RGP1: variants seen among roughly 807,000 people sequenced by gnomAD.
RGP1 encodes RAB6A-GEF complex partner protein 2.
A neutral mutation model predicts 44.5 loss-of-function variants in RGP1; 28 were observed. That is an observed-to-expected ratio of 0.63 (90% confidence interval 0.47 to 0.86). The LOEUF (loss-of-function observed/expected upper bound fraction) is 0.86. Ranked by LOEUF, RGP1 falls within the 40% of genes least tolerant of loss-of-function variation. The pLI is 0.00. For synonymous variants in RGP1, 212 were observed against 196.7 expected (o/e 1.08, Z -0.65); for missense variants, 417 against 490.7 (o/e 0.85, Z 1.42).
At chr9:35,761,690 A>AAACG (rs1413926551), downstream of RGP1, among the ~76,000 whole-genome samples, 3 of 152,110 alleles carry the variant, frequency 2.0e-5, no homozygotes, top group East Asian at 3.9e-4. Context: ...ACAAACAAAC[A>AAACG]AACAAAAAAC....
the RGP1 span, among the ~76,000 whole-genome samples, chr9:35,774,588 T>A: frequency 1.1e-4 from 17 of 151,890 alleles, no homozygotes; most frequent in Non-Finnish European, 2.9e-5. Flanking sequence ...GCCGGGCGTG[T>A]TGGCGGGCGC....
the RGP1 span, among the ~76,000 whole-genome samples, chr9:35,777,628 T>C: frequency 2.0e-5 from 3 of 152,190 alleles, no homozygotes; most frequent in East Asian, 5.8e-4. Context: ...CTGGTACTTG[T>C]TTCTTGTAAG....
chr9:35,763,388 C>T (rs187798562), downstream of RGP1, among the ~76,000 whole-genome samples: 44 of 152,284 alleles, frequency 2.9e-4, no homozygotes, highest in East Asian at 7.1e-3. Flanking sequence ...CGGAGTCCCT[C>T]CCTATTCCTA....
the RGP1 span, among the ~76,000 whole-genome samples, chr9:35,777,127 CTTT>C: frequency 6.1e-5 from 5 of 82,302 alleles, no homozygotes; most frequent in East Asian, 4.0e-4. Flanking sequence ...AGGTGTTTTT[CTTT>C]TTTTTTTTTT....
At chr9:35,788,522 C>T in the RGP1 span, among the ~76,000 whole-genome samples, 209 of 151,038 alleles carry the variant, frequency 1.4e-3, no homozygotes, top group Non-Finnish European at 2.3e-3. Flanking sequence ...GCCGAGATTG[C>T]GCCACTACAT....
In RGP1 at chr9:35,750,992, A is replaced by C. The variant is rs1827249797; in HGVS notation, c.487+3A>C. ...TCTGAGGGTTCTTGTGCTGACTGGT[A>C]AGCAAGGGCTCCTGGAGGGAAGGGC... On this transcript the variant is annotated splice_donor_region_variant and intron_variant, in intron 5 of 8. Transcript: ENST00000378078. 6.2e-7 allele frequency: 1 copy of C among 1,613,318 alleles called. No individual in the cohort carries two copies. The highest frequency in any genetic ancestry group is 1.1e-5 in the South Asian group (1 of 91,090).
Position 35,749,887 on chromosome 9 carries a change from C to G in RGP1, c.116+16C>G, listed in dbSNP as rs1827204647. The G allele has an allele frequency of 6.3e-7, 1 of 1,577,538 alleles. No homozygotes were observed. ...CTGCATCCAGGTGGGGATGCTGGCA[C>G]TGAAGGTGGTGGCCCTTCTGGGAAG... On this transcript the variant is annotated intron_variant, in intron 2 of 8. Coordinates refer to ENST00000378078, the MANE Select transcript of RGP1 (RefSeq NM_001080496.3). This position sits in a 1 kb window ranked among gnomAD's most constrained non-coding sequence, Gnocchi z 4.4.
chr9:35,770,492 G>GGAGAGAGAGAGAGAGAGA, the RGP1 span, among the ~76,000 whole-genome samples: 7 of 107,110 alleles, frequency 6.5e-5, no homozygotes, highest in East Asian at 6.8e-4. Context: ...GTATTACCAT[G>GGAGAGAGAGAGAGAGAGA]GAGAGAGAGA....
the RGP1 span, among the ~76,000 whole-genome samples, chr9:35,781,388 G>T: frequency 8.0e-6 from 1 of 125,712 alleles, no homozygotes; most frequent in Non-Finnish European, 1.7e-5. Flanking sequence ...GGGTGCGCAG[G>T]AGATAGTGGG....
At chr9:35,781,756 C>G in the RGP1 span, among the ~76,000 whole-genome samples, 1 of 151,822 alleles carries the variant, frequency 6.6e-6, no homozygotes, top group Non-Finnish European at 1.5e-5. Flanking sequence ...ATAAATACAT[C>G]TGTTCTGTTA....
the RGP1 span, among the ~76,000 whole-genome samples, chr9:35,763,596 A>G: frequency 8.2e-4 from 125 of 152,330 alleles, 2 homozygotes; most frequent in African/African-American, 2.9e-3. Context: ...AAGAAAACAC[A>G]TCAGACTGGG....
At chr9:35,765,348 G>A in the RGP1 span, among the ~76,000 whole-genome samples, 1 of 151,894 alleles carries the variant, frequency 6.6e-6, no homozygotes, top group African/African-American at 2.4e-5. Context: ...GTAAGTGAAT[G>A]TTTTACTTGA....
At chr9:35,773,225 C>T in the RGP1 span, among the ~76,000 whole-genome samples, 155 of 151,978 alleles carry the variant, frequency 1.0e-3, no homozygotes, top group East Asian at 0.011. Flanking sequence ...CTTGTCTCTA[C>T]GAAAAATAAA....
chr9:35,750,444 C>G lies in RGP1; in HGVS notation c.253+65C>G. The G allele has an allele frequency of 6.4e-6, 10 of 1,562,570 alleles. No homozygotes were observed. The South Asian group carries it at 1.1e-4, about 18-fold the overall frequency. On this transcript the variant is annotated intron_variant, in intron 3 of 8. Transcript: ENST00000378078. ...AGGGTGTGTGTGGAGGCATTGTCAC[C>G]CATGGGTGAAGTTGTTAATTGTTCT...
At chr9:35,772,790 CA>C in the RGP1 span, among the ~76,000 whole-genome samples, 29,890 of 107,444 alleles carry the variant, frequency 0.28, 2,506 homozygotes, top group East Asian at 0.45. Flanking sequence ...GACTCTGTCT[CA>C]AAAAAAAAAA....
At chr9:35,774,524 G>C in the RGP1 span, among the ~76,000 whole-genome samples, 1 of 152,148 alleles carries the variant, frequency 6.6e-6, no homozygotes, top group African/African-American at 2.4e-5. Context: ...TCAGGAGATA[G>C]AGACCATCCT....
chr9:35,786,556 A>G, the RGP1 span: 4 of 152,250 alleles, frequency 2.6e-5, no homozygotes, highest in African/African-American at 9.6e-5. Context: ...TGGAGCAGAC[A>G]GGTGAAATAT....
chr9:35,780,290 T>G, the RGP1 span: 1 of 152,124 alleles, frequency 6.6e-6, no homozygotes, highest in Non-Finnish European at 1.5e-5. Context: ...TGGCTTAAGA[T>G]GAGTTCTGCA....
At chr9:35,790,045 G>A in the RGP1 span, 1 of 153,180 alleles carries the variant, frequency 6.5e-6, no homozygotes, top group African/African-American at 2.4e-5. Context: ...AAAACAATGT[G>A]TAGTTGCTTA....
Sources: allele counts gnomAD v4.1 joint callset (sites outside exome capture counted in the v4.1 genomes callset), GRCh38; gene constraint gnomAD v4.1.1; non-coding constraint Gnocchi (gnomAD v3.1); transcripts MANE v1.5; gene names NCBI Gene and HGNC (gene_info 2026-07-23, HGNC 2026-07-21).